The following PBRM1 variants were observed in gnomAD, a reference collection of about 807,000 sequenced individuals.
The protein encoded by PBRM1 is protein polybromo-1.
PBRM1 carries 27 observed loss-of-function variants against 194.5 expected under a neutral mutation model. The observed-to-expected ratio is 0.14, with a 90% CI of 0.10 to 0.19. The LOEUF (loss-of-function observed/expected upper bound fraction) is 0.19, where lower values mean the gene tolerates loss of function less well. Among genes scored for constraint, PBRM1 ranks in the 10% least tolerant of loss-of-function variants. PBRM1 has a pLI of 1.00. For synonymous variants in PBRM1, 655 were observed against 693.2 expected (o/e 0.94, Z 0.87); for missense variants, 1,466 against 2,077.2 (o/e 0.71, Z 5.72).
At chr3:52,573,290 CT>C (rs1184905110) in intron 22 of PBRM1, among the ~76,000 whole-genome samples, 222 of 145,398 alleles carry the variant, frequency 1.5e-3, no homozygotes, top group Middle Eastern at 3.5e-3. Context: ...TTCTTTCTTT[CT>C]TTTTTTTTTT....
exon 7 of PBRM1, chr3:52,648,398 A>T (rs2153780361): frequency 6.2e-7 from 1 of 1,609,484 alleles, no homozygotes; most frequent in Non-Finnish European, 8.5e-7. Context: ...TTGCGAGGAG[A>T]TCTATATCTT....
intron 2 of PBRM1, among the ~76,000 whole-genome samples, chr3:52,674,342 G>A (rs959244425): frequency 7.3e-5 from 11 of 150,706 alleles, no homozygotes; most frequent in African/African-American, 2.7e-4. Context: ...TTAGCTGGGC[G>A]TGGTGGCCCA....
At chr3:52,561,075 T>A (rs982731332) in intron 25 of PBRM1, among the ~76,000 whole-genome samples, 2 of 152,044 alleles carry the variant, frequency 1.3e-5, no homozygotes, top group Non-Finnish European at 2.9e-5. Context: ...ACTAAGTCCA[T>A]GTCTGATATT....
At chr3:52,630,713 A>C (rs1158748042) in intron 11 of PBRM1, among the ~76,000 whole-genome samples, 4 of 152,144 alleles carry the variant, frequency 2.6e-5, no homozygotes, top group Non-Finnish European at 5.9e-5. Flanking sequence ...GGGCTTCAAC[A>C]ACTTCCCTAT....
intron 16 of PBRM1, 22 bp from the exon 19 acceptor site, chr3:52,603,754 C>A: frequency 1.3e-6 from 2 of 1,587,600 alleles, no homozygotes; most frequent in Non-Finnish European, 1.7e-6. Flanking sequence ...TCAAGAGTAT[C>A]CATTGACATA....
exon 20 of PBRM1, chr3:52,586,578 C>T (rs776487197): frequency 5.3e-5 from 85 of 1,613,942 alleles, no homozygotes; most frequent in Non-Finnish European, 6.5e-5. Context: ...AGCTGATGGG[C>T]ATGGTCCACA....
At chr3:52,593,464 T>C (rs2093290160) in intron 17 of PBRM1, among the ~76,000 whole-genome samples, 1 of 152,166 alleles carries the variant, frequency 6.6e-6, no homozygotes, top group Non-Finnish European at 1.5e-5. Flanking sequence ...CTCAAACTGC[T>C]AGCCTGAAGC....
chr3:52,661,925 CCA>C (rs752161475), intron 4 of PBRM1, among the ~76,000 whole-genome samples: 3 of 152,162 alleles, frequency 2.0e-5, no homozygotes, highest in East Asian at 3.8e-4. Context: ...ATGAAAATTA[CCA>C]CACATGGCAC....
chr3:52,683,282 G>A (rs1486805218), upstream of PBRM1, among the ~76,000 whole-genome samples: 2 of 151,926 alleles, frequency 1.3e-5, no homozygotes, highest in Admixed American at 6.6e-5. Context: ...GCTGAAGCAT[G>A]AGAATTGCTT....
In PBRM1 at chr3:52,562,558, T is replaced by A. The variant is rs63516960; in HGVS notation, c.4087-590A>T. Among the ~76,000 whole-genome samples, 12 of 146,628 alleles carry A rather than the reference T, an allele frequency of 8.2e-5. No individual in the cohort carries two copies. The East Asian group carries it at 1.9e-3, about 24-fold the overall frequency. On this transcript the variant is annotated intron_variant, in intron 24 of 29. Transcript: ENST00000296302. ...AATTCTTTTTTTTTTTTTTTTTTTT[T>A]AAATGATACAGGGTCTTGTTCTGTC... is the stretch of plus-strand genomic sequence containing the variant.
chr3:52,643,179 G>C, intron 9 of PBRM1, 69 bp downstream of exon 10: 1 of 1,065,922 alleles, frequency 9.4e-7, no homozygotes, highest in Non-Finnish European at 1.5e-6. Context: ...GATAGCCATT[G>C]GGCAAATACT....
intron 17 of PBRM1, among the ~76,000 whole-genome samples, chr3:52,601,776 C>T (rs915329717): frequency 2.0e-5 from 3 of 152,066 alleles, no homozygotes; most frequent in Admixed American, 6.5e-5. Context: ...AGCAGTGGAT[C>T]GAGCAGGTGG....
chr3:52,616,953 C>A (rs1228842288), intron 14 of PBRM1, among the ~76,000 whole-genome samples: 1 of 152,068 alleles, frequency 6.6e-6, no homozygotes, highest in Admixed American at 6.6e-5. Flanking sequence ...CCTACAACAA[C>A]CCTGATGCAA....
At chr3:52,576,097 C>G (rs1393954915) in intron 22 of PBRM1, among the ~76,000 whole-genome samples, 4 of 151,834 alleles carry the variant, frequency 2.6e-5, no homozygotes, top group Non-Finnish European at 5.9e-5. Flanking sequence ...CTGTGAGGCA[C>G]CATTAAATGT....
At chr3:52,635,372 C>T (rs1218745759) in intron 10 of PBRM1, among the ~76,000 whole-genome samples, 1 of 152,014 alleles carries the variant, frequency 6.6e-6, no homozygotes, top group Non-Finnish European at 1.5e-5. Context: ...TCGAGACCAG[C>T]GTGGCCAACA....
intron 2 of PBRM1, among the ~76,000 whole-genome samples, chr3:52,674,474 C>T (rs1199805797): frequency 1.8e-4 from 21 of 116,424 alleles, no homozygotes; most frequent in African/African-American, 6.2e-4. Context: ...TGCGAAACTC[C>T]ATCTCAAAAA....
chr3:52,679,491 C>A (rs1309754752), intron 1 of PBRM1, 83 bp downstream of exon 2: 8 of 1,268,292 alleles, frequency 6.3e-6, no homozygotes, highest in African/African-American at 1.5e-5. Context: ...AGATGCCTTG[C>A]ATCGTAACAA....
At chr3:52,589,750 C>T (rs1181311999) in intron 17 of PBRM1, among the ~76,000 whole-genome samples, 1 of 152,092 alleles carries the variant, frequency 6.6e-6, no homozygotes, top group Non-Finnish European at 1.5e-5. Context: ...ATACTATAAA[C>T]TATATCTAGT....
chr3:52,648,198 C>T (rs369869817), intron 7 of PBRM1, 146 bp downstream of exon 8: 15 of 544,538 alleles, frequency 2.8e-5, no homozygotes, highest in African/African-American at 9.8e-5. Flanking sequence ...TGAGCCACTG[C>T]GCCCAGCCTA....
Sources: allele counts gnomAD v4.1 joint callset (sites outside exome capture counted in the v4.1 genomes callset), GRCh38; gene constraint gnomAD v4.1.1; transcripts MANE v1.5; gene names NCBI Gene and HGNC (gene_info 2026-07-23, HGNC 2026-07-21).